Variants in LIPI observed in about 807,000 individuals in gnomAD.
LIPI encodes the protein lipase I, also known as lipase member I.
A neutral mutation model predicts 50.6 loss-of-function variants in LIPI; 59 were observed. The observed-to-expected ratio is 1.16, with a 90% CI of 0.94 to 1.45. LIPI has a LOEUF of 1.45. Among genes scored for constraint, LIPI ranks in the 40% most tolerant of loss-of-function variants. The pLI, the probability that LIPI is intolerant of heterozygous loss-of-function variation, is 0.00. For missense variants in LIPI, 586 were observed against 536.3 expected, an observed-to-expected ratio of 1.09 and a Z score of -0.92; for synonymous variants, 203 against 178.2, an observed-to-expected ratio of 1.14 and a Z score of -1.11.
intron 8 of LIPI, among the ~76,000 whole-genome samples, chr21:14,148,194 A>G (rs921264178): frequency 1.3e-5 from 2 of 152,204 alleles, no homozygotes; most frequent in Non-Finnish European, 2.9e-5. Flanking sequence ...ATGTACAAGA[A>G]GGAGGAAGGG....
intron 4 of LIPI, among the ~76,000 whole-genome samples, chr21:14,179,503 A>T (rs1330532550): frequency 6.6e-6 from 1 of 152,178 alleles, no homozygotes; most frequent in Non-Finnish European, 1.5e-5. Flanking sequence ...TCATTAGGAT[A>T]AGTCAAAAAT....
chr21:14,133,349 C>A (rs1373720198), intron 9 of LIPI, among the ~76,000 whole-genome samples: 1 of 152,108 alleles, frequency 6.6e-6, no homozygotes, highest in Non-Finnish European at 1.5e-5. Flanking sequence ...AAATTAATAA[C>A]TATGACATAT....
chr21:14,110,783 A>G (rs1333011043), intron 9 of LIPI, among the ~76,000 whole-genome samples: 1 of 151,746 alleles, frequency 6.6e-6, no homozygotes, highest in Admixed American at 6.6e-5. Flanking sequence ...CTTCAGGTTC[A>G]TTCATGCTGT....
At chr21:14,120,037 A>G (rs55798126) in intron 9 of LIPI, among the ~76,000 whole-genome samples, 1,805 of 152,296 alleles carry the variant, frequency 0.012, 36 homozygotes, top group African/African-American at 0.041. Context: ...GAATACCCTA[A>G]ATCCAGCCAC....
intron 9 of LIPI, among the ~76,000 whole-genome samples, chr21:14,130,321 C>T (rs2017241997): frequency 6.6e-6 from 1 of 152,068 alleles, no homozygotes; most frequent in South Asian, 2.1e-4. Flanking sequence ...GCCCAGGCAA[C>T]AGTGCAAGAC....
intron 9 of LIPI, among the ~76,000 whole-genome samples, chr21:14,139,794 G>T (rs1014435872): frequency 6.6e-6 from 1 of 152,078 alleles, no homozygotes; most frequent in East Asian, 1.9e-4. Flanking sequence ...GTTAGCCATC[G>T]GCACTTCAAG....
intron 9 of LIPI, among the ~76,000 whole-genome samples, chr21:14,129,832 T>A (rs527756350): frequency 6.6e-6 from 1 of 150,504 alleles, no homozygotes. Context: ...AGCTTATTTC[T>A]CACCTTCCTT....
chr21:14,121,659 T>C (rs2123339075), intron 9 of LIPI, among the ~76,000 whole-genome samples: 1 of 152,288 alleles, frequency 6.6e-6, no homozygotes, highest in East Asian at 1.9e-4. Flanking sequence ...CGGGCCCTTA[T>C]GGGATGGCCC....
intron 9 of LIPI, among the ~76,000 whole-genome samples, chr21:14,125,922 T>A (rs1398973889): frequency 6.6e-6 from 1 of 152,016 alleles, no homozygotes; most frequent in South Asian, 2.1e-4. Context: ...ATATCCTCAA[T>A]TAAATGGCAG....
At position 14,163,429 on chromosome 21, in the gene LIPI, A is replaced by C. The variant is rs751002495; in HGVS notation, c.996T>G (p.Tyr332Ter). 2.7e-6 allele frequency: 4 copies of C among 1,455,642 alleles called. No individual in the cohort carries two copies. The highest frequency in any genetic ancestry group is 1.1e-5 in the South Asian group (1 of 87,782). 90.2% of individuals were successfully genotyped at this position (1,455,642 alleles called of 1,614,324 possible). ...TTGTTAATAACTTACTACAGAATGG[A>C]TATGTACCACTTGTATCCAAAAACA... ...TTVFLDTSGT[Y>*]PFCTYYFVLS... is the part of the protein sequence containing the mutation. Residue 332 changes from tyrosine to a stop codon, truncating the protein, a stop_gained, in exon 7 of 10, where the codon TAT becomes TAG. Transcript: ENST00000681601. LOFTEE classifies it high-confidence loss of function.
chr21:14,170,449 G>A (rs1031417386), intron 4 of LIPI, among the ~76,000 whole-genome samples: 3 of 152,224 alleles, frequency 2.0e-5, no homozygotes, highest in East Asian at 3.9e-4. Context: ...GATGAACATT[G>A]ATGCAAAAAT....
intron 9 of LIPI, among the ~76,000 whole-genome samples, chr21:14,128,127 TAC>T (rs1475416558): frequency 6.6e-6 from 1 of 152,056 alleles, no homozygotes; most frequent in Non-Finnish European, 1.5e-5. Flanking sequence ...GAATGATGTA[TAC>T]ACACAGACAC....
chr21:14,184,981 A>G (rs988428144), intron 3 of LIPI, among the ~76,000 whole-genome samples: 2 of 152,190 alleles, frequency 1.3e-5, no homozygotes, highest in African/African-American at 4.8e-5. Flanking sequence ...AACTAAGGAC[A>G]CTATTTTCTT....
Position 14,127,393 on chromosome 21 carries a change from G to A in LIPI, c.1295+17230C>T, listed in dbSNP as rs1038495735. On this transcript the variant is annotated intron_variant, in intron 9 of 9. Transcript: ENST00000681601. Reference sequence around the variant, plus strand: ...TTAGCATCTCCAGCCAGCAGGGAATGTAGAGAGTTTTGCTCAACAACCACA... The same window carrying A: ...TTAGCATCTCCAGCCAGCAGGGAATATAGAGAGTTTTGCTCAACAACCACA... Among the ~76,000 whole-genome samples, 20 of 152,310 alleles carry A rather than the reference G, an allele frequency of 1.3e-4. 2 individuals carry two copies. Among genetic ancestry groups the A allele is most frequent in the South Asian group, 1.2e-3 (6 of 4,828 alleles).
chr21:14,170,128 T>C (rs1033966563), intron 4 of LIPI, among the ~76,000 whole-genome samples: 6 of 152,126 alleles, frequency 3.9e-5, no homozygotes, highest in African/African-American at 1.4e-4. Context: ...AATGGATAAA[T>C]TCCTCAACAC....
At chr21:14,185,519 TATAAC>T (rs2019421368) in intron 3 of LIPI, among the ~76,000 whole-genome samples, 1 of 152,184 alleles carries the variant, frequency 6.6e-6, no homozygotes, top group Non-Finnish European at 1.5e-5. Context: ...AATATTTAAA[TATAAC>T]ATAGAAAAAA....
At chr21:14,141,061 A>T (rs1455726199) in intron 9 of LIPI, among the ~76,000 whole-genome samples, 1 of 152,190 alleles carries the variant, frequency 6.6e-6, no homozygotes, top group Non-Finnish European at 1.5e-5. Flanking sequence ...AATAAAATTT[A>T]TAAGAATGGG....
At chr21:14,165,839 T>A (rs2018664199) in intron 5 of LIPI, among the ~76,000 whole-genome samples, 1 of 152,226 alleles carries the variant, frequency 6.6e-6, no homozygotes, top group Non-Finnish European at 1.5e-5. Flanking sequence ...CTTCTTTAGC[T>A]ACAGTGCCCT....
In LIPI at chr21:14,144,639, G is replaced by A; in HGVS notation, c.1279C>T (p.Leu427Phe). The A allele has an allele frequency of 1.3e-6, 2 of 1,552,230 alleles. No homozygotes were observed. The highest frequency in any genetic ancestry group is 8.9e-7 in the Non-Finnish European group (1 of 1,126,598). Reference sequence around the variant, plus strand: ...TTTTCTTACCTTTCTGGGTATGTAAGTGATTTTAACATGAGACTCTGGATC... The same window carrying A: ...TTTTCTTACCTTTCTGGGTATGTAAATGATTTTAACATGAGACTCTGGATC... The part of the protein sequence containing the change: ...YKIQSLMLKS[L>F]TYPERPPLCR... Residue 427 changes from leucine to phenylalanine, a missense_variant, in exon 9 of 10, where the codon CTT becomes TTT. Leu to Phe is a conservative substitution (Grantham distance 22). Transcript: ENST00000681601.
Sources: gnomAD v4.1 joint callset for allele counts (sites outside exome capture counted in the v4.1 genomes callset) on GRCh38, gnomAD v4.1.1 for gene constraint, MANE v1.5 for transcripts, NCBI Gene and HGNC (gene_info 2026-07-23, HGNC 2026-07-21) for gene names.